The following PKHD1L1 variants were observed in gnomAD, a reference collection of about 807,000 sequenced individuals.
The protein encoded by PKHD1L1 is PKHD1 like 1.
In PKHD1L1, 434 loss-of-function variants were observed where a neutral mutation model predicts 462.9. The observed-to-expected ratio is 0.94, with a 90% CI of 0.87 to 1.02. PKHD1L1 has a LOEUF of 1.02. Ranked by LOEUF, PKHD1L1 falls within the 50% of genes least tolerant of loss-of-function variation. The pLI is 0.00. For synonymous variants in PKHD1L1, 1,781 were observed against 1,750.0 expected (o/e 1.02, Z -0.44); for missense variants, 5,202 against 5,096.1 (o/e 1.02, Z -0.63).
At position 109,389,070 on chromosome 8, in the gene PKHD1L1, T is replaced by G. The variant is rs1812578035; in HGVS notation, c.624-9T>G. The G allele has an allele frequency of 1.3e-6, 2 of 1,578,376 alleles. No homozygotes were observed. Among genetic ancestry groups the G allele is most frequent in the East Asian group, 4.5e-5 (2 of 44,074 alleles). On this transcript the variant is annotated splice_polypyrimidine_tract_variant and intron_variant, in intron 7 of 77. Transcript: ENST00000378402. ...ATATAAGCTTTGACATTAACTTTTT[T>G]TTAATTAGATATGGTCTAAAACTGG...
At chr8:109,363,188 T>C (rs892289392) in intron 1 of PKHD1L1, among the ~76,000 whole-genome samples, 1 of 152,098 alleles carries the variant, frequency 6.6e-6, no homozygotes. Flanking sequence ...AAATTGGAGT[T>C]GTCTGTGGAG....
chr8:109,381,381 G>A lies in PKHD1L1; in HGVS notation c.175G>A (p.Ala59Thr). 6.4e-7 allele frequency: 1 copy of A among 1,571,308 alleles called. No individual in the cohort carries two copies. Among genetic ancestry groups the A allele is most frequent in the Middle Eastern group, 1.7e-4 (1 of 6,018 alleles). ...TCTTACTTTTCCAGGTTTTTCTCAA[G>A]CAAACCAGTTTAACTATGGAGTTGA... ...LTIRGEGFSQ[A>T]NQFNYGVDNA... The change falls in exon 3 of 78, where the codon GCA (alanine) becomes ACA (threonine). Residue 59 changes from alanine to threonine, a missense_variant. This residue lies in a region of PKHD1L1 where 4,497 missense variants were observed against 4,336.8 expected (regional missense o/e 1.04). Transcript: ENST00000378402.
chr8:109,494,819 A>C (rs1366669417), intron 63 of PKHD1L1, among the ~76,000 whole-genome samples: 1 of 151,926 alleles, frequency 6.6e-6, no homozygotes, highest in Non-Finnish European at 1.5e-5. Context: ...TATATTTTCA[A>C]CCAATAATTT....
rs1813998454 is a variant in PKHD1L1 at position 109,414,024 on chromosome 8, A to G, written c.2360+479A>G. On this transcript the variant is annotated intron_variant, in intron 21 of 77. Coordinates refer to ENST00000378402, the MANE Select transcript of PKHD1L1 (RefSeq NM_177531.6). ...AGAGAAACATAAAGGAAGAAACAAA[A>G]TAAACCTAGAGAAGCTATTTAATGA... Among the ~76,000 whole-genome samples the G allele has an allele frequency of 2.0e-5, 3 of 152,158 alleles. No homozygotes were observed. The South Asian group carries it at 6.2e-4, about 31-fold the overall frequency.
intron 63 of PKHD1L1, among the ~76,000 whole-genome samples, chr8:109,495,009 G>T (rs956821775): frequency 1.7e-4 from 26 of 151,620 alleles, no homozygotes; most frequent in African/African-American, 5.8e-4. Flanking sequence ...GCTTTATTTG[G>T]CATGATTTAT....
chr8:109,365,439 T>A (rs1811181772), intron 2 of PKHD1L1, among the ~76,000 whole-genome samples: 1 of 152,196 alleles, frequency 6.6e-6, no homozygotes, highest in South Asian at 2.1e-4. Context: ...CAGAATTCAA[T>A]CTCTCAATGA....
intron 25 of PKHD1L1, among the ~76,000 whole-genome samples, chr8:109,428,937 T>A (rs1459499458): frequency 6.6e-6 from 1 of 152,210 alleles, no homozygotes; most frequent in African/African-American, 2.4e-5. Flanking sequence ...AAAAGTTGAC[T>A]CTCAGATAGA....
At chr8:109,385,285 C>T (rs1280820717) in intron 5 of PKHD1L1, among the ~76,000 whole-genome samples, 17 of 150,024 alleles carry the variant, frequency 1.1e-4, no homozygotes, top group Admixed American at 1.1e-3. Flanking sequence ...ACCGATTGAC[C>T]CAAGCTGTAC....
chr8:109,389,202 T>C, intron 8 of PKHD1L1, 50 bp downstream of exon 8: 3 of 1,452,252 alleles, frequency 2.1e-6, no homozygotes, highest in Non-Finnish European at 2.9e-6. Context: ...CCTTATTCTA[T>C]TTCCCTGTTT....
intron 12 of PKHD1L1, among the ~76,000 whole-genome samples, chr8:109,399,341 A>G (rs561293609): frequency 5.3e-5 from 8 of 152,180 alleles, no homozygotes; most frequent in Non-Finnish European, 1.2e-4. Context: ...GAAGAAGGGT[A>G]GCCATTATTT....
chr8:109,385,755 T>C, intron 6 of PKHD1L1, 125 bp downstream of exon 6: 1 of 554,262 alleles, frequency 1.8e-6, no homozygotes, highest in Non-Finnish European at 2.9e-6. Context: ...GTTTTTTTTT[T>C]CAGCCATATT....
Position 109,444,804 on chromosome 8 carries a change from T to C in PKHD1L1, c.4935T>C (p.Asn1645=), listed in dbSNP as rs767401091. ...LTVYNLGTAI[N]TLSNEFDRRF... Reference sequence around the variant, plus strand: ...TCTACAACCTGGGCACTGCTATCAATACGTTGTCCAATGAATTTGATAGGC... The same window carrying C: ...TCTACAACCTGGGCACTGCTATCAACACGTTGTCCAATGAATTTGATAGGC... Residue 1645 remains asparagine (N), a synonymous_variant, in exon 38 of 78, where the codon AAT becomes AAC. Transcript: ENST00000378402. 3 of 1,614,034 alleles carry C rather than the reference T, an allele frequency of 1.9e-6. No homozygotes were observed. In the South Asian group the frequency reaches 3.3e-5, roughly 18 times the overall value.
intron 39 of PKHD1L1, 106 bp downstream of exon 39, chr8:109,448,497 G>GTTT: frequency 3.9e-6 from 4 of 1,037,768 alleles, no homozygotes; most frequent in Non-Finnish European, 5.1e-6. Flanking sequence ...AAAATTTCTA[G>GTTT]TGTTTTTTTT....
intron 27 of PKHD1L1, 69 bp downstream of exon 27, chr8:109,430,106 A>C: frequency 1.0e-6 from 1 of 970,634 alleles, no homozygotes; most frequent in Non-Finnish European, 1.6e-6. Flanking sequence ...TCTGATAATG[A>C]CTTTTAAAAC....
intron 67 of PKHD1L1, among the ~76,000 whole-genome samples, chr8:109,504,052 C>A (rs1819568866): frequency 2.0e-5 from 3 of 152,334 alleles, no homozygotes; most frequent in Middle Eastern, 6.8e-3. Flanking sequence ...CTCTCCAGAT[C>A]TCTGTTTATG....
chr8:109,411,561 C>G (rs996480613), intron 19 of PKHD1L1, among the ~76,000 whole-genome samples: 1 of 152,104 alleles, frequency 6.6e-6, no homozygotes, highest in Non-Finnish European at 1.5e-5. Flanking sequence ...TACTCCTTTC[C>G]TACTTCATTT....
chr8:109,386,550 A>G (rs1214152643), intron 6 of PKHD1L1, among the ~76,000 whole-genome samples: 1 of 152,180 alleles, frequency 6.6e-6, no homozygotes, highest in African/African-American at 2.4e-5. Context: ...ATAAAGATTT[A>G]TCTGGAATTC....
rs756788298 is a variant in PKHD1L1, at chr8:109,400,079, G to GGA, written c.1020_1021dup (p.Gly341GlufsTer3). On this transcript the variant is annotated frameshift_variant, in exon 13 of 78. Transcript: ENST00000378402. LOFTEE classifies it high-confidence loss of function. ...TATTTTATTTCATTACACTTAGGAG[G>GGA]GAGAGGCCTGAAGCTTGAGGTGTGG... 6.2e-7 allele frequency: 1 copy of GGA among 1,609,254 alleles called. No homozygotes were observed. The highest frequency in any genetic ancestry group is 8.5e-7 in the Non-Finnish European group (1 of 1,177,234).
chr8:109,507,653 T>G lies in PKHD1L1; in HGVS notation c.10995-10T>G. ...AACAATGAACTGAATAATTCAACTT[T>G]TCTCCACAGTAAGGTCAATCCATCT... is the stretch of plus-strand genomic sequence containing the variant. On this transcript the variant is annotated splice_polypyrimidine_tract_variant and intron_variant, in intron 68 of 77. Coordinates refer to ENST00000378402, the MANE Select transcript of PKHD1L1 (RefSeq NM_177531.6). 6.2e-7 allele frequency: 1 copy of G among 1,605,148 alleles called. No homozygotes were observed. The highest frequency in any genetic ancestry group is 8.5e-7 in the Non-Finnish European group (1 of 1,172,266).
Sources: gnomAD v4.1 joint callset for allele counts (sites outside exome capture counted in the v4.1 genomes callset) on GRCh38, gnomAD v4.1.1 for gene constraint, gnomAD v4.1.1 regional missense constraint, MANE v1.5 for transcripts, NCBI Gene and HGNC (gene_info 2026-07-23, HGNC 2026-07-21) for gene names.